The following KLF3 variants were observed in gnomAD, a reference collection of about 807,000 sequenced individuals.
The protein encoded by KLF3 is Krueppel-like factor 3.
Under a neutral mutation model 32.7 loss-of-function variants are expected in KLF3, and 6 were observed. The ratio of observed to expected loss-of-function variants is 0.18; its 90% CI spans 0.10 to 0.36. KLF3 has a LOEUF of 0.36. Ranked by LOEUF, KLF3 falls within the 10% of genes least tolerant of loss-of-function variation. The pLI, the probability that KLF3 is intolerant of heterozygous loss-of-function variation, is 1.00. For synonymous variants in KLF3, 145 were observed against 172.8 expected (o/e 0.84, Z 1.26); for missense variants, 338 against 449.7 (o/e 0.75, Z 2.25).
At chr4:38,689,173 C>G in intron 3 of KLF3, 102 bp downstream of exon 3, 1 of 1,417,142 alleles carries the variant, frequency 7.1e-7, no homozygotes, top group South Asian at 1.3e-5. Context: ...CTGTTGAACT[C>G]TTCAAAGGAA....
intron 2 of KLF3, among the ~76,000 whole-genome samples, chr4:38,684,937 T>G (rs1299073841): frequency 6.6e-6 from 1 of 152,138 alleles, no homozygotes; most frequent in Non-Finnish European, 1.5e-5. Context: ...TGTCTTGTCT[T>G]TGGACTGCTC....
At chr4:38,665,599 T>C (rs1045382778) in intron 1 of KLF3, among the ~76,000 whole-genome samples, 2 of 152,362 alleles carry the variant, frequency 1.3e-5, no homozygotes, top group Admixed American at 1.3e-4. Flanking sequence ...ACCACTGAAT[T>C]TCTTACTCAG....
In KLF3 at chr4:38,689,892, A is replaced by C. The variant is rs751899795; in HGVS notation, c.695+13A>C. The C allele has an allele frequency of 1.5e-6, 2 of 1,378,104 alleles. No individual in the cohort carries two copies. Among genetic ancestry groups the C allele is most frequent in the Admixed American group, 4.1e-5 (2 of 49,120 alleles). The allele number at this position is 1,378,104 out of a possible 1,614,324, so 85.4% of individuals were successfully genotyped here. A position where few individuals can be genotyped will look rare whatever the true frequency, so the allele number is the denominator to read the frequency against. ...CATTGTTGCAAGAGTAAGTATATTT[A>C]GGTCTACCCAGCATTTGCATAGTAG... On this transcript the variant is annotated intron_variant, in intron 4 of 5. Transcript: ENST00000261438.
At chr4:38,677,318 C>T (rs1722385099) in intron 1 of KLF3, among the ~76,000 whole-genome samples, 1 of 152,074 alleles carries the variant, frequency 6.6e-6, no homozygotes, top group Non-Finnish European at 1.5e-5. Context: ...CTTGCATTTC[C>T]TTAAACTTAG....
At chr4:38,683,940 G>A (rs911302828) in intron 2 of KLF3, among the ~76,000 whole-genome samples, 14 of 152,094 alleles carry the variant, frequency 9.2e-5, no homozygotes, top group Non-Finnish European at 1.9e-4. Flanking sequence ...TGTTTGCATG[G>A]GGGTGCATGC....
chr4:38,666,833 T>C (rs925307978), intron 1 of KLF3, among the ~76,000 whole-genome samples: 29 of 152,244 alleles, frequency 1.9e-4, no homozygotes, highest in African/African-American at 6.3e-4. Flanking sequence ...TTCTGTGGGG[T>C]ACCCCAATTG....
At chr4:38,677,630 A>C (rs1279367597) in intron 1 of KLF3, among the ~76,000 whole-genome samples, 1 of 152,240 alleles carries the variant, frequency 6.6e-6, no homozygotes, top group Non-Finnish European at 1.5e-5. Flanking sequence ...GCAGTGGTAC[A>C]GTTGTGAAGT....
intron 2 of KLF3, among the ~76,000 whole-genome samples, chr4:38,681,667 G>A (rs1332311764): frequency 1.3e-5 from 2 of 152,210 alleles, no homozygotes; most frequent in African/African-American, 4.8e-5. Context: ...GAGGATTCTG[G>A]TTGAGTGAAT....
At chr4:38,682,979 C>A (rs752561017) in intron 2 of KLF3, among the ~76,000 whole-genome samples, 36 of 151,944 alleles carry the variant, frequency 2.4e-4, no homozygotes, top group Non-Finnish European at 4.7e-4. Context: ...TAATTCAGTG[C>A]AACCTCAGTT....
chr4:38,679,784 AT>A (rs1722461611), intron 1 of KLF3, among the ~76,000 whole-genome samples: 2 of 152,238 alleles, frequency 1.3e-5, no homozygotes, highest in Admixed American at 1.3e-4. Flanking sequence ...ACTAAATACC[AT>A]GTACACTATG....
intron 2 of KLF3, 44 bp downstream of exon 2, chr4:38,680,726 T>G (rs758440170): frequency 7.0e-7 from 1 of 1,425,150 alleles, no homozygotes; most frequent in African/African-American, 1.4e-5. Context: ...TTTTTCCAAG[T>G]GATGATAACA....
Position 38,688,723 on chromosome 4 carries a change from G to A in KLF3, c.196G>A (p.Val66Met), listed in dbSNP as rs1300765519. The A allele has an allele frequency of 6.2e-7, 1 of 1,614,192 alleles. No homozygotes were observed. The highest frequency in any genetic ancestry group is 1.1e-5 in the South Asian group (1 of 91,084). ...ACAGATGGAGCCAGTGGACCTCACG[G>A]TGAACAAGCGGAGTTCACCCCCTTC... ...GIQMEPVDLTVNKRSSPPSAG... is the reference protein window; with the variant it reads ...GIQMEPVDLTMNKRSSPPSAG... The change falls in exon 3 of 6, where the codon GTG (valine) becomes ATG (methionine). Residue 66 changes from valine to methionine, a missense_variant. Physicochemically the swap from Val to Met is conservative, Grantham distance 21. This residue lies in a region of KLF3 where 272 missense variants were observed against 313.4 expected (regional missense o/e 0.87). Coordinates refer to ENST00000261438, the MANE Select transcript of KLF3 (RefSeq NM_016531.6). The surrounding 1 kb of genome is among the most constrained non-coding windows in gnomAD (Gnocchi z 4.9).
Position 38,696,535 on chromosome 4 carries a change from C to T in KLF3, c.857-547C>T, listed in dbSNP as rs556277623. Reference sequence around the variant, plus strand: ...GGCTCAGGACAGATGGGGAAGAATTCGTATATTTTAGTACCCCTGAATTAA... The same window carrying T: ...GGCTCAGGACAGATGGGGAAGAATTTGTATATTTTAGTACCCCTGAATTAA... On this transcript the variant is annotated intron_variant, in intron 5 of 5. Coordinates refer to ENST00000261438, the MANE Select transcript of KLF3 (RefSeq NM_016531.6). Among the ~76,000 whole-genome samples, 40 of 152,176 alleles carry T rather than the reference C, an allele frequency of 2.6e-4. 1 individual carries two copies. The highest frequency in any genetic ancestry group is 1.2e-3 in the Admixed American group (19 of 15,288).
intron 4 of KLF3, among the ~76,000 whole-genome samples, chr4:38,693,107 C>CATATATATATATGT (rs1427819967): frequency 6.3e-4 from 26 of 41,302 alleles, no homozygotes; most frequent in African/African-American, 2.3e-3. Flanking sequence ...TATATATGTA[C>CATATATATATATGT]ATATATATAC....
chr4:38,671,085 G>A lies in KLF3; in HGVS notation c.-40+6624G>A, dbSNP rs1198113030. 6.6e-6 allele frequency among the ~76,000 whole-genome samples: 1 copy of A among 152,196 alleles called. No individual in the cohort carries two copies. Among genetic ancestry groups the A allele is most frequent in the Non-Finnish European group, 1.5e-5 (1 of 68,032 alleles). On this transcript the variant is annotated intron_variant, in intron 1 of 5. Transcript: ENST00000261438. This position sits in a 1 kb window ranked among gnomAD's most constrained non-coding sequence, Gnocchi z 4.4. ...CTGGGGAAAGACCCCAGCATTAGGC[G>A]ATTTTACCTAAAAGTCGGTCCCACA...
intron 2 of KLF3, among the ~76,000 whole-genome samples, chr4:38,685,817 T>C (rs1047008146): frequency 6.6e-6 from 1 of 152,220 alleles, no homozygotes; most frequent in African/African-American, 2.4e-5. Flanking sequence ...CATTAGACTT[T>C]AGGACTAGGC....
intron 4 of KLF3, chr4:38,690,152 TTG>T: frequency 2.5e-6 from 1 of 405,700 alleles, no homozygotes; most frequent in East Asian, 4.4e-5. Context: ...TGAATTATTT[TTG>T]TTTTTTTTCC....
At chr4:38,694,640 T>A in intron 4 of KLF3, 106 bp from the exon 5 acceptor site, 2 of 945,032 alleles carry the variant, frequency 2.1e-6, no homozygotes, top group Non-Finnish European at 3.1e-6. Context: ...TTTGTTGGGA[T>A]TTTTTGTTTG....
rs1709308190 is a variant in KLF3 at position 38,671,438 on chromosome 4, G to C, written c.-40+6977G>C. On this transcript the variant is annotated intron_variant, in intron 1 of 5. Transcript: ENST00000261438. The surrounding 1 kb of genome is among the most constrained non-coding windows in gnomAD (Gnocchi z 4.4). Reference sequence around the variant, plus strand: ...GATCTTGCATCCAAGTGTGCGTACTGAGACAGGGTGGGCAGCAGGGGCCAG... The same window carrying C: ...GATCTTGCATCCAAGTGTGCGTACTCAGACAGGGTGGGCAGCAGGGGCCAG... Among the ~76,000 whole-genome samples, 1 of 152,200 alleles carries C rather than the reference G, an allele frequency of 6.6e-6. No homozygotes were observed. The highest frequency in any genetic ancestry group is 6.5e-5 in the Admixed American group (1 of 15,282).
Sources: allele counts gnomAD v4.1 joint callset (sites outside exome capture counted in the v4.1 genomes callset), GRCh38; gene constraint gnomAD v4.1.1; regional missense constraint gnomAD v4.1.1; non-coding constraint Gnocchi (gnomAD v3.1); transcripts MANE v1.5; gene names NCBI Gene and HGNC (gene_info 2026-07-23, HGNC 2026-07-21).